ABCG1: variants seen among roughly 807,000 people sequenced by gnomAD.
ABCG1 encodes ATP-binding cassette sub-family G member 1.
ABCG1 carries 29 observed loss-of-function variants against 69.2 expected under a neutral mutation model. That is an observed-to-expected ratio of 0.42 (90% CI 0.31 to 0.57). ABCG1 has a LOEUF of 0.57. Ranked by LOEUF, ABCG1 falls within the 20% of genes least tolerant of loss-of-function variation. The pLI is 0.15. For synonymous variants in ABCG1, 370 were observed against 374.8 expected, an observed-to-expected ratio of 0.99 and a Z score of 0.15; for missense variants, 718 against 898.1, an observed-to-expected ratio of 0.80 and a Z score of 2.56.
chr21:42,290,828 A>C (rs1292070329), intron 11 of ABCG1, among the ~76,000 whole-genome samples: 1 of 152,204 alleles, frequency 6.6e-6, no homozygotes, highest in African/African-American at 2.4e-5. Flanking sequence ...GCCAGGCATG[A>C]ATCCTTGCCT....
intron 4 of ABCG1, among the ~76,000 whole-genome samples, chr21:42,274,403 C>T (rs2068672658): frequency 6.6e-6 from 1 of 151,250 alleles, no homozygotes; most frequent in Non-Finnish European, 1.5e-5. Context: ...GCCTGGGTTT[C>T]TGGAATAGCT....
intron 2 of ABCG1, chr21:42,259,877 G>T: frequency 6.9e-7 from 1 of 1,441,688 alleles, no homozygotes. Flanking sequence ...AATGGCAAAG[G>T]AGCACAGCGG....
chr21:42,200,719 G>T (rs2067499914), intron 1 of ABCG1, among the ~76,000 whole-genome samples: 1 of 151,438 alleles, frequency 6.6e-6, no homozygotes, highest in Non-Finnish European at 1.5e-5. Context: ...CTCCTGAGTA[G>T]CTGGGACAAC....
chr21:42,269,873 C>A (rs975384544), intron 2 of ABCG1, among the ~76,000 whole-genome samples: 5 of 152,196 alleles, frequency 3.3e-5, no homozygotes, highest in Non-Finnish European at 7.3e-5. Flanking sequence ...CCCCACAGGT[C>A]CCTGTCTCAT....
upstream of ABCG1, among the ~76,000 whole-genome samples, chr21:42,212,310 G>T (rs2067596640): frequency 2.0e-5 from 3 of 152,190 alleles, no homozygotes; most frequent in Non-Finnish European, 4.4e-5. Flanking sequence ...AGAGTTTAGA[G>T]GAACAGGCTC....
At chr21:42,217,441 A>C (rs1448601939), upstream of ABCG1, among the ~76,000 whole-genome samples, 2 of 152,046 alleles carry the variant, frequency 1.3e-5, no homozygotes, top group African/African-American at 4.8e-5. Context: ...GCTGGGCACC[A>C]GTCCCCATCT....
intron 8 of ABCG1, chr21:42,286,209 C>T (rs2068937864): frequency 1.9e-6 from 1 of 524,944 alleles, no homozygotes; most frequent in South Asian, 2.1e-5. Flanking sequence ...CTCTGCCTCT[C>T]TCCTGTCTCC....
At position 42,219,331 on chromosome 21, in the gene ABCG1, G is replaced by C; in HGVS notation, c.42+27G>C. 2 of 1,594,970 alleles carry C rather than the reference G, an allele frequency of 1.3e-6. No individual in the cohort carries two copies. Among genetic ancestry groups the C allele is most frequent in the Non-Finnish European group, 1.7e-6 (2 of 1,174,010 alleles). ...TGAGTGAGCGCATCCTTCGTCCGCC[G>C]GGAACGGTTTTATTTTCAAGGAGAG... On this transcript the variant is annotated intron_variant, in intron 1 of 14. Transcript: ENST00000398449. The surrounding 1 kb of genome is among the most constrained non-coding windows in gnomAD (Gnocchi z 5.3).
chr21:42,209,494 C>T (rs2067569542), intron 2 of ABCG1, among the ~76,000 whole-genome samples: 1 of 152,186 alleles, frequency 6.6e-6, no homozygotes, highest in South Asian at 2.1e-4. Context: ...TTTATCATCT[C>T]TTTGGAGAGA....
At chr21:42,212,904 A>G (rs190119043), upstream of ABCG1, among the ~76,000 whole-genome samples, 67 of 152,300 alleles carry the variant, frequency 4.4e-4, no homozygotes, top group East Asian at 1.7e-3. Flanking sequence ...CATGTTAGCC[A>G]GGATGGTCTC....
chr21:42,255,245 T>C (rs2068283430), intron 2 of ABCG1, among the ~76,000 whole-genome samples: 1 of 152,182 alleles, frequency 6.6e-6, no homozygotes, highest in Non-Finnish European at 1.5e-5. Flanking sequence ...GGGCGCGGTG[T>C]GCAGGGGGCG....
At chr21:42,290,332 T>G in intron 11 of ABCG1, 114 bp downstream of exon 11, 2 of 1,208,830 alleles carry the variant, frequency 1.7e-6, no homozygotes, top group East Asian at 4.8e-5. Context: ...ATGTTTTTGT[T>G]TTTTTAAAAT....
At chr21:42,258,843 T>A (rs2068355730) in intron 2 of ABCG1, among the ~76,000 whole-genome samples, 1 of 152,210 alleles carries the variant, frequency 6.6e-6, no homozygotes, top group Non-Finnish European at 1.5e-5. Context: ...GTTCCCTAAT[T>A]AGGAGGGCAC....
intron 7 of ABCG1, 144 bp from the exon 8 acceptor site, chr21:42,285,736 G>A (rs2068926983): frequency 8.9e-6 from 6 of 672,668 alleles, no homozygotes; most frequent in Non-Finnish European, 1.6e-5. Context: ...TGGGGGTGAT[G>A]TAAAGCTCTC....
intron 2 of ABCG1, chr21:42,260,037 C>T (rs1411613910): frequency 6.5e-7 from 1 of 1,549,830 alleles, no homozygotes; most frequent in Non-Finnish European, 8.7e-7. Context: ...GGGAGGGCCC[C>T]ATCACCTGGG....
chr21:42,222,130 A>C (rs1198037643), intron 1 of ABCG1, among the ~76,000 whole-genome samples: 2 of 152,222 alleles, frequency 1.3e-5, no homozygotes, highest in Non-Finnish European at 2.9e-5. Flanking sequence ...ACAATGCTTC[A>C]GTAGGATAGG....
chr21:42,259,745 C>A (rs1300842114), intron 2 of ABCG1, among the ~76,000 whole-genome samples: 1 of 152,262 alleles, frequency 6.6e-6, no homozygotes, highest in African/African-American at 2.4e-5. Flanking sequence ...AAGCAGCTCA[C>A]AGATTTGCCA....
intron 3 of ABCG1, among the ~76,000 whole-genome samples, chr21:42,271,898 C>T (rs2068625079): frequency 6.6e-6 from 1 of 152,120 alleles, no homozygotes; most frequent in Non-Finnish European, 1.5e-5. Flanking sequence ...AACACACAAA[C>T]AACAACAACA....
chr21:42,261,088 T>C (rs1569224439), intron 2 of ABCG1, among the ~76,000 whole-genome samples: 2 of 152,156 alleles, frequency 1.3e-5, no homozygotes, highest in Admixed American at 1.3e-4. Flanking sequence ...CCCAAAGTGC[T>C]GGGATTACAG....
Sources: allele counts gnomAD v4.1 joint callset (sites outside exome capture counted in the v4.1 genomes callset), GRCh38; gene constraint gnomAD v4.1.1; non-coding constraint Gnocchi (gnomAD v3.1); transcripts MANE v1.5; gene names NCBI Gene and HGNC (gene_info 2026-07-23, HGNC 2026-07-21).